CSMD3: variants seen among roughly 807,000 people sequenced by gnomAD.
CSMD3 encodes CUB and Sushi multiple domains 3.
Under a neutral mutation model 435.2 loss-of-function variants are expected in CSMD3, and 177 were observed. The observed-to-expected ratio is 0.41, with a 90% CI of 0.36 to 0.46. The LOEUF is 0.46. Among genes scored for constraint, CSMD3 ranks in the 20% least tolerant of loss-of-function variants. The pLI is 0.34. For missense variants in CSMD3, 4,265 were observed against 4,504.6 expected (o/e 0.95, Z 1.52); for synonymous variants, 1,656 against 1,520.5 (o/e 1.09, Z -2.07).
chr8:113,185,748 C>T (rs934478318), intron 3 of CSMD3, among the ~76,000 whole-genome samples: 7 of 151,650 alleles, frequency 4.6e-5, no homozygotes, highest in South Asian at 2.1e-4. Flanking sequence ...TGTGTGCATG[C>T]GTGTGTGTGT....
chr8:112,414,238 CA>C (rs1331073495), intron 32 of CSMD3, among the ~76,000 whole-genome samples: 1 of 152,176 alleles, frequency 6.6e-6, no homozygotes, highest in Non-Finnish European at 1.5e-5. Flanking sequence ...ACCCAAATCT[CA>C]TCTTGAATTG....
rs370048193 is a variant in CSMD3, at chr8:112,408,976, A to G, written c.5452T>C (p.Tyr1818His). 3.7e-6 allele frequency: 6 copies of G among 1,613,558 alleles called. No individual in the cohort carries two copies. Among genetic ancestry groups the G allele is most frequent in the Middle Eastern group, 1.6e-4 (1 of 6,082 alleles). The change falls in exon 33 of 71, where the codon TAT becomes CAT. Residue 1818 changes from tyrosine (Y) to histidine (H), a missense_variant. Tyr to His is a moderately conservative substitution (Grantham distance 83, BLOSUM62 2). Around this residue, in one of 3 missense-constraint regions of CSMD3, gnomAD observed 3,255 missense variants for 3,380.2 expected, o/e 0.96. Transcript: ENST00000297405. ...QTSLHDVVEVYDGPTQQSSLL... is the reference protein window; with the variant it reads ...QTSLHDVVEVHDGPTQQSSLL... ...GAAGATTGCTGAGTTGGCCCATCAT[A>G]CACCTCAACAACATCGTGGAGTGAT... is the stretch of plus-strand genomic sequence containing the variant.
At chr8:113,208,328 A>G (rs1318342760) in intron 3 of CSMD3, among the ~76,000 whole-genome samples, 1 of 152,154 alleles carries the variant, frequency 6.6e-6, no homozygotes, top group Admixed American at 6.5e-5. Flanking sequence ...GACCAGTTAC[A>G]GGCAATGTGA....
chr8:113,017,220 G>A (rs1480220244), intron 6 of CSMD3, among the ~76,000 whole-genome samples: 1 of 151,890 alleles, frequency 6.6e-6, no homozygotes, highest in Non-Finnish European at 1.5e-5. Flanking sequence ...TGCCGAAAAC[G>A]CATAATGCTT....
At chr8:112,271,922 A>G (rs1817563623) in intron 59 of CSMD3, among the ~76,000 whole-genome samples, 2 of 152,182 alleles carry the variant, frequency 1.3e-5, no homozygotes, top group Non-Finnish European at 1.5e-5. Context: ...TTGGGAAGTT[A>G]TTAAGTCATG....
intron 32 of CSMD3, among the ~76,000 whole-genome samples, chr8:112,436,685 G>A (rs921385210): frequency 1.3e-5 from 2 of 151,718 alleles, no homozygotes; most frequent in African/African-American, 2.4e-5. Context: ...TACAACAACT[G>A]TGTATACATA....
intron 6 of CSMD3, among the ~76,000 whole-genome samples, chr8:112,997,394 A>G (rs1378163291): frequency 6.6e-6 from 1 of 151,666 alleles, no homozygotes; most frequent in African/African-American, 2.4e-5. Flanking sequence ...TATAATGTAC[A>G]TTAATTATTT....
chr8:112,554,352 G>T (rs1028004803), intron 25 of CSMD3, among the ~76,000 whole-genome samples: 1 of 151,696 alleles, frequency 6.6e-6, no homozygotes, highest in South Asian at 2.1e-4. Flanking sequence ...TAACACACTC[G>T]GGAGATTTTT....
chr8:113,363,787 C>T (rs2094293515), intron 1 of CSMD3, among the ~76,000 whole-genome samples: 1 of 152,146 alleles, frequency 6.6e-6, no homozygotes, highest in South Asian at 2.1e-4. Context: ...TACAAGTTCA[C>T]ATTCACAGGT....
intron 11 of CSMD3, among the ~76,000 whole-genome samples, chr8:112,838,423 AG>A (rs927770903): frequency 4.0e-5 from 6 of 151,852 alleles, no homozygotes; most frequent in African/African-American, 1.2e-4. Flanking sequence ...TTTTGGCAGC[AG>A]GGACAATCTG....
chr8:112,911,909 T>C (rs897271124), intron 10 of CSMD3, among the ~76,000 whole-genome samples: 8 of 127,390 alleles, frequency 6.3e-5, no homozygotes, highest in African/African-American at 2.3e-4. Context: ...ACCAAATATA[T>C]CTTTATGAGG....
At chr8:112,506,243 G>C (rs1822503554) in intron 29 of CSMD3, among the ~76,000 whole-genome samples, 1 of 152,120 alleles carries the variant, frequency 6.6e-6, no homozygotes, top group Non-Finnish European at 1.5e-5. Flanking sequence ...CAGTACGTTA[G>C]AAAATATTGT....
At chr8:112,311,578 A>G (rs1474064553) in intron 49 of CSMD3, among the ~76,000 whole-genome samples, 1 of 152,186 alleles carries the variant, frequency 6.6e-6, no homozygotes, top group Non-Finnish European at 1.5e-5. Context: ...AGTTATATCC[A>G]GACACCTCTA....
intron 12 of CSMD3, among the ~76,000 whole-genome samples, chr8:112,826,127 C>T (rs1371039092): frequency 2.0e-5 from 3 of 152,176 alleles, no homozygotes; most frequent in Non-Finnish European, 4.4e-5. Flanking sequence ...CAGTCTGCCA[C>T]AGCCAGTATG....
intron 1 of CSMD3, among the ~76,000 whole-genome samples, chr8:113,373,602 A>C (rs2094360434): frequency 6.6e-6 from 1 of 152,064 alleles, no homozygotes; most frequent in African/African-American, 2.4e-5. Flanking sequence ...AATTAACTTT[A>C]CTGGTATTTT....
At position 112,244,557 on chromosome 8, in the gene CSMD3, C is replaced by G. The variant is rs768877822; in HGVS notation, c.10239G>C (p.Gln3413His). ...QPECIPHSCK[Q>H]PETPAHANVV... is the part of the protein sequence containing the mutation. The stretch of plus-strand genomic sequence containing the variant: ...CATTTGCATGAGCAGGAGTTTCTGG[C>G]TGTTTACAGCTGTGGGCTATATTAA... Residue 3413 changes from glutamine to histidine, a missense_variant, in exon 65 of 71, where the codon CAG becomes CAC. By Grantham distance (24) the Gln-to-His change is conservative. Coordinates refer to ENST00000297405, the MANE Select transcript of CSMD3 (RefSeq NM_198123.2). 4.3e-6 allele frequency: 7 copies of G among 1,613,522 alleles called. No homozygotes were observed. The African/African-American group carries it at 6.7e-5, about 15-fold the overall frequency.
At chr8:112,516,507 G>A (rs1008264426) in intron 28 of CSMD3, among the ~76,000 whole-genome samples, 5 of 152,090 alleles carry the variant, frequency 3.3e-5, no homozygotes, top group African/African-American at 9.7e-5. Context: ...TTCAATAACA[G>A]AGCACGGAGA....
intron 3 of CSMD3, among the ~76,000 whole-genome samples, chr8:113,207,385 C>A (rs1366277878): frequency 7.2e-6 from 1 of 139,342 alleles, no homozygotes; most frequent in Non-Finnish European, 1.6e-5. Flanking sequence ...AATTATTTTT[C>A]TTTTTTTTTT....
intron 18 of CSMD3, among the ~76,000 whole-genome samples, chr8:112,652,798 T>C (rs2075159931): frequency 6.6e-6 from 1 of 152,164 alleles, no homozygotes; most frequent in African/African-American, 2.4e-5. Flanking sequence ...TAAAACATAA[T>C]TGGTAAGTAG....
Sources: allele counts gnomAD v4.1 joint callset (sites outside exome capture counted in the v4.1 genomes callset), GRCh38; gene constraint gnomAD v4.1.1; regional missense constraint gnomAD v4.1.1; transcripts MANE v1.5; gene names NCBI Gene and HGNC (gene_info 2026-07-23, HGNC 2026-07-21).